Variants in DHRSX observed in about 807,000 individuals in gnomAD.
DHRSX encodes the protein dehydrogenase/reductase X-linked.
DHRSX carries 31 observed loss-of-function variants against 34.0 expected under a neutral mutation model. The observed-to-expected ratio is 0.91, with a 90% confidence interval of 0.69 to 1.23. DHRSX has a LOEUF of 1.23. DHRSX is among the 50% of genes most tolerant of loss of function. The pLI is 0.00. For missense variants in DHRSX, 414 were observed against 428.1 expected (o/e 0.97, Z 0.29); for synonymous variants, 201 against 183.8 (o/e 1.09, Z -0.76).
rs10641325 is a variant in DHRSX, at chrX:2,454,527, C to CAAA, written c.110-29226_110-29224dup. The stretch of plus-strand genomic sequence containing the variant: ...GGGCAACAAGAGAGAAACTCCGTCT[C>CAAA]AAAAAAAAAAAAAGACATATTCATG... On this transcript the variant is annotated intron_variant, in intron 1 of 6. Transcript: ENST00000334651. 5.4e-3 allele frequency among the ~76,000 whole-genome samples: 742 copies of CAAA among 137,758 alleles called. 9 individuals carry two copies. The highest frequency in any genetic ancestry group is 0.017 in the African/African-American group (650 of 37,776). The allele number at this position is 137,758 out of a possible 152,430, so 90.4% of individuals were successfully genotyped here. A position where few individuals can be genotyped will look rare whatever the true frequency, so the allele number is the denominator to read the frequency against.
chrX:2,405,118 G>A (rs1261976322), intron 3 of DHRSX, among the ~76,000 whole-genome samples: 2 of 150,634 alleles, frequency 1.3e-5, no homozygotes, highest in Non-Finnish European at 2.9e-5. Flanking sequence ...GCAGCTTAGG[G>A]TAGAAAGGAG....
intron 1 of DHRSX, among the ~76,000 whole-genome samples, chrX:2,463,032 T>C (rs1199895472): frequency 6.6e-6 from 1 of 152,062 alleles, no homozygotes; most frequent in African/African-American, 2.4e-5. Context: ...CCTCGCCCTT[T>C]CCACCATGTG....
chrX:2,382,975 T>C (rs868839200), intron 3 of DHRSX, among the ~76,000 whole-genome samples: 3 of 58,768 alleles, frequency 5.1e-5, no homozygotes, highest in African/African-American at 1.5e-4. Flanking sequence ...ATCACCATCA[T>C]CACCATCATC....
intron 3 of DHRSX, among the ~76,000 whole-genome samples, chrX:2,331,521 C>G (rs766302416): frequency 7.5e-6 from 1 of 133,740 alleles, no homozygotes; most frequent in South Asian, 2.6e-4. Flanking sequence ...GATCTTGGCT[C>G]ACTGCAACCT....
chrX:2,294,568 G>A (rs1444187004), intron 3 of DHRSX, among the ~76,000 whole-genome samples: 2 of 151,930 alleles, frequency 1.3e-5, no homozygotes, highest in African/African-American at 4.8e-5. Flanking sequence ...GGGAGGCTAA[G>A]GCAGGAGAAT....
chrX:2,431,151 C>A (rs140320361), intron 1 of DHRSX, among the ~76,000 whole-genome samples: 1 of 151,994 alleles, frequency 6.6e-6, no homozygotes, highest in African/African-American at 2.4e-5. Flanking sequence ...CGGTGAAACC[C>A]GGTCTCTACT....
chrX:2,266,012 G>C (rs374442900), intron 5 of DHRSX, among the ~76,000 whole-genome samples: 1 of 142,082 alleles, frequency 7.0e-6, no homozygotes, highest in Non-Finnish European at 1.5e-5. Flanking sequence ...GGCAGACGCA[G>C]GAAGCACTGT....
intron 3 of DHRSX, among the ~76,000 whole-genome samples, chrX:2,345,910 A>G (rs1312431411): frequency 1.3e-5 from 2 of 152,142 alleles, no homozygotes; most frequent in Non-Finnish European, 1.5e-5. Context: ...CATATGAGCA[A>G]AATTCCTTAA....
chrX:2,340,261 C>A (rs914061616), intron 3 of DHRSX, among the ~76,000 whole-genome samples: 32 of 152,036 alleles, frequency 2.1e-4, no homozygotes, highest in African/African-American at 7.2e-4. Flanking sequence ...AGGGGTGCAG[C>A]AAACCACCAT....
At chrX:2,298,711 C>T (rs1192252928) in intron 3 of DHRSX, among the ~76,000 whole-genome samples, 4 of 151,666 alleles carry the variant, frequency 2.6e-5, no homozygotes, top group Non-Finnish European at 4.4e-5. Flanking sequence ...ACGGGCCGGG[C>T]GCGGCAGCTC....
At chrX:2,346,976 A>G (rs1180619028) in intron 3 of DHRSX, among the ~76,000 whole-genome samples, 4 of 152,212 alleles carry the variant, frequency 2.6e-5, no homozygotes, top group South Asian at 4.1e-4. Context: ...AAAGGACATG[A>G]ACTCATTCTT....
chrX:2,377,257 G>A (rs189897052), intron 3 of DHRSX, among the ~76,000 whole-genome samples: 105 of 151,904 alleles, frequency 6.9e-4, no homozygotes, highest in African/African-American at 2.3e-3. Context: ...ATGATGATAC[G>A]TTAAATGAAG....
In DHRSX at chrX:2,487,895, T is replaced by G. The variant is rs1303828567; in HGVS notation, c.109+12922A>C. The G allele has an allele frequency of 3.3e-5, 5 of 151,922 alleles. No homozygotes were observed. In the East Asian group the frequency reaches 5.8e-4, roughly 18 times the overall value. The allele number at this position is 151,922 out of a possible 1,614,324, so 9.4% of individuals were successfully genotyped here. A position where few individuals can be genotyped will look rare whatever the true frequency, so the allele number is the denominator to read the frequency against. On this transcript the variant is annotated intron_variant, in intron 1 of 6. Transcript: ENST00000334651. ...CAAGAGGTCCCTGCTTGCACGAGAA[T>G]GTAAACATGAATTCAGTGATCTGGA...
chrX:2,305,420 A>G (rs911480432), intron 3 of DHRSX, among the ~76,000 whole-genome samples: 2 of 152,062 alleles, frequency 1.3e-5, no homozygotes, highest in African/African-American at 4.8e-5. Flanking sequence ...ACCATTGTGG[A>G]AGACACTGTG....
At chrX:2,354,276 TG>T (rs1428542738) in intron 3 of DHRSX, among the ~76,000 whole-genome samples, 1 of 152,124 alleles carries the variant, frequency 6.6e-6, no homozygotes, top group African/African-American at 2.4e-5. Flanking sequence ...AGCTGTCCAC[TG>T]GGGCCAAGTC....
rs369328670 is a variant in DHRSX, at chrX:2,432,378, T to C, written c.110-7074A>G. Among the ~76,000 whole-genome samples the C allele has an allele frequency of 2.6e-3, 394 of 152,238 alleles. 4 individuals are homozygous for C. Among genetic ancestry groups the C allele is most frequent in the African/African-American group, 9.2e-3 (384 of 41,530 alleles). Reference sequence around the variant, plus strand: ...CTGGACGAATCGATTCGAAAATTGCTGTGGGGAAAAGAATTCCAAATGAGG... The same window carrying C: ...CTGGACGAATCGATTCGAAAATTGCCGTGGGGAAAAGAATTCCAAATGAGG... On this transcript the variant is annotated intron_variant, in intron 1 of 6. Transcript: ENST00000334651.
intron 2 of DHRSX, among the ~76,000 whole-genome samples, chrX:2,411,849 G>A (rs1450759111): frequency 1.3e-5 from 2 of 152,132 alleles, no homozygotes; most frequent in African/African-American, 2.4e-5. Flanking sequence ...AAAAAGCTGG[G>A]AGCATCAAAA....
intron 1 of DHRSX, chrX:2,489,958 G>A: frequency 6.2e-7 from 1 of 1,613,904 alleles, no homozygotes; most frequent in Non-Finnish European, 8.5e-7. Context: ...ACTCGATGAA[G>A]ACCTCATAGA....
intron 2 of DHRSX, among the ~76,000 whole-genome samples, chrX:2,424,630 TA>T (rs2043819729): frequency 1.3e-5 from 2 of 152,322 alleles, no homozygotes; most frequent in South Asian, 4.1e-4. Flanking sequence ...GATATATGGT[TA>T]TTTTTTTCCA....
Sources: allele counts gnomAD v4.1 joint callset (sites outside exome capture counted in the v4.1 genomes callset), GRCh38; gene constraint gnomAD v4.1.1; transcripts MANE v1.5; gene names NCBI Gene and HGNC (gene_info 2026-07-23, HGNC 2026-07-21).